MLLT10: variants seen among roughly 807,000 people sequenced by gnomAD.
The protein encoded by MLLT10 is MLLT10 histone lysine methyltransferase DOT1L cofactor, also known as protein AF-10.
In MLLT10, 30 loss-of-function variants were observed where a neutral mutation model predicts 129.1. The ratio of observed to expected loss-of-function variants is 0.23; its 90% CI spans 0.17 to 0.32. The LOEUF is 0.32. Ranked by LOEUF, MLLT10 falls within the 10% of genes least tolerant of loss-of-function variation. The pLI is 1.00. For synonymous variants in MLLT10, 490 were observed against 446.4 expected (o/e 1.10, Z -1.23); for missense variants, 1,119 against 1,268.3 (o/e 0.88, Z 1.79).
intron 8 of MLLT10, among the ~76,000 whole-genome samples, chr10:21,622,110 C>T (rs1357454068): frequency 6.7e-6 from 1 of 148,962 alleles, no homozygotes; most frequent in Non-Finnish European, 1.5e-5. Context: ...AATATGGCTT[C>T]GAATAAGGGA....
At chr10:21,688,542 T>G (rs1453773069) in intron 13 of MLLT10, 1 of 1,610,962 alleles carries the variant, frequency 6.2e-7, no homozygotes, top group Non-Finnish European at 8.5e-7. Context: ...TTCATAGGTA[T>G]GTACCAAACT....
chr10:21,733,408 C>T (rs370888417), intron 18 of MLLT10, 96 bp from the exon 19 acceptor site: 17 of 761,556 alleles, frequency 2.2e-5, no homozygotes, highest in East Asian at 1.2e-4. Context: ...GGTTTTGATA[C>T]GGGCTTCAGC....
chr10:21,735,216 A>G lies in MLLT10; in HGVS notation c.2936A>G (p.Asn979Ser). Residue 979 changes from asparagine (N) to serine (S), a missense_variant, in exon 21 of 23, where the codon AAT (asparagine) becomes AGT (serine). Physicochemically the swap from Asn to Ser is conservative, Grantham distance 46. Around this residue, in one of 5 missense-constraint regions of MLLT10, gnomAD observed 1,004 missense variants for 1,008.7 expected, o/e 1.00. Transcript: ENST00000307729. ...CAACAGCAGTTTCAGCAGTTGTTAA[A>G]TTCTCAACAGCTCACACCAGTAAGT... ...IHQQQFQQLL[N>S]SQQLTPEQHQ... 1.2e-6 allele frequency: 2 copies of G among 1,613,456 alleles called. No homozygotes were observed. The highest frequency in any genetic ancestry group is 2.7e-5 in the African/African-American group (2 of 75,030).
At chr10:21,571,226 C>A (rs984344093) in intron 3 of MLLT10, among the ~76,000 whole-genome samples, 1 of 152,216 alleles carries the variant, frequency 6.6e-6, no homozygotes, top group Non-Finnish European at 1.5e-5. Flanking sequence ...GGTGATTTCT[C>A]ATCTTGCCAT....
intron 20 of MLLT10, 135 bp from the exon 21 acceptor site, chr10:21,735,002 CTG>C (rs974993633): frequency 3.3e-5 from 21 of 630,454 alleles, no homozygotes; most frequent in African/African-American, 5.6e-5. Flanking sequence ...TTGTACATAA[CTG>C]TTTTCAGAGT....
chr10:21,666,335 G>T (rs1023329747), intron 9 of MLLT10, among the ~76,000 whole-genome samples: 8 of 151,724 alleles, frequency 5.3e-5, no homozygotes, highest in African/African-American at 9.7e-5. Context: ...ACAATTTATT[G>T]TTACTACTTT....
rs946698827 is a variant in MLLT10 at position 21,678,127 on chromosome 10, T to C, written c.1622-3205T>C. On this transcript the variant is annotated intron_variant, in intron 11 of 22. Coordinates refer to ENST00000307729, the MANE Select transcript of MLLT10 (RefSeq NM_001195626.3). ...TTTTCTTTTCTTTTCTTTTTTGAGCTGGAGTCTTGCTCTATTGACCAGGCT... is the reference window on the plus strand; with the variant it reads ...TTTTCTTTTCTTTTCTTTTTTGAGCCGGAGTCTTGCTCTATTGACCAGGCT... 3.9e-5 allele frequency among the ~76,000 whole-genome samples: 6 copies of C among 152,296 alleles called. No homozygotes were observed. In the East Asian group the frequency reaches 1.2e-3, roughly 29 times the overall value.
intron 8 of MLLT10, among the ~76,000 whole-genome samples, chr10:21,637,982 C>T (rs185243194): frequency 6.6e-5 from 10 of 152,198 alleles, no homozygotes; most frequent in South Asian, 6.2e-4. Flanking sequence ...AGTCCTTTAT[C>T]GAAGCTGTGG....
chr10:21,698,498 C>A (rs757674396), intron 13 of MLLT10, among the ~76,000 whole-genome samples: 18 of 152,152 alleles, frequency 1.2e-4, no homozygotes, highest in Non-Finnish European at 2.6e-4. Flanking sequence ...GATTCCATAT[C>A]TTTGCTTTTG....
intron 13 of MLLT10, among the ~76,000 whole-genome samples, chr10:21,687,000 T>C (rs1002445940): frequency 2.0e-5 from 3 of 152,002 alleles, no homozygotes; most frequent in Non-Finnish European, 4.4e-5. Context: ...AATAAATAAA[T>C]AAAGTACCAA....
intron 5 of MLLT10, among the ~76,000 whole-genome samples, chr10:21,607,364 A>T (rs1260923800): frequency 7.9e-6 from 1 of 125,832 alleles, no homozygotes; most frequent in Non-Finnish European, 1.6e-5. Flanking sequence ...CTTGTTGCCC[A>T]GGCTGGAGTG....
At chr10:21,567,703 G>T (rs986127208) in intron 3 of MLLT10, among the ~76,000 whole-genome samples, 3 of 151,992 alleles carry the variant, frequency 2.0e-5, no homozygotes, top group Non-Finnish European at 2.9e-5. Context: ...GGTGGGGCTA[G>T]GTTTTCTATG....
chr10:21,565,926 C>A (rs1284976349), intron 3 of MLLT10, among the ~76,000 whole-genome samples: 1 of 148,932 alleles, frequency 6.7e-6, no homozygotes, highest in East Asian at 2.0e-4. Flanking sequence ...TTTTTAAAAT[C>A]CAGTCTGTCA....
At chr10:21,603,011 C>T (rs960904381) in intron 5 of MLLT10, among the ~76,000 whole-genome samples, 2 of 151,802 alleles carry the variant, frequency 1.3e-5, no homozygotes, top group Admixed American at 6.6e-5. Context: ...GGATTACAGG[C>T]GTGAGCCACT....
At chr10:21,598,467 T>C (rs2043213670) in intron 5 of MLLT10, among the ~76,000 whole-genome samples, 1 of 152,202 alleles carries the variant, frequency 6.6e-6, no homozygotes, top group Non-Finnish European at 1.5e-5. Context: ...CCAAAGTGGG[T>C]GCTAGGTGTG....
intron 3 of MLLT10, among the ~76,000 whole-genome samples, chr10:21,540,872 A>G (rs946786910): frequency 1.6e-4 from 25 of 152,184 alleles, no homozygotes; most frequent in Non-Finnish European, 3.4e-4. Context: ...AGCGGTAGAA[A>G]TAATGGGCTG....
rs532430123 is a variant in MLLT10, at chr10:21,566,764, C to T, written c.241-19530C>T. 2.0e-5 allele frequency among the ~76,000 whole-genome samples: 3 copies of T among 150,650 alleles called. No homozygotes were observed. In the East Asian group the frequency reaches 5.9e-4, roughly 29 times the overall value. ...CATTTTTCTTTATTGTGTTTTGTAT[C>T]TTTTTTTTTAGTTCATTGATATGGT... On this transcript the variant is annotated intron_variant, in intron 3 of 22. Transcript: ENST00000307729.
rs5783779 is a variant in MLLT10, at chr10:21,549,122, CT to C, written c.240+10229del. Among the ~76,000 whole-genome samples, 1,179 of 130,384 alleles carry C rather than the reference CT, an allele frequency of 9.0e-3. 9 individuals carry two copies. Among genetic ancestry groups the C allele is most frequent in the African/African-American group, 0.025 (902 of 35,938 alleles). 85.5% of individuals were successfully genotyped at this position (130,384 alleles called of 152,430 possible). ...GTTTCTACAAGTCAGGAGCTTATTC[CT>C]TTTTTTTTTTTTTTTTTTAGACTTG... On this transcript the variant is annotated intron_variant, in intron 3 of 22. Transcript: ENST00000307729.
intron 14 of MLLT10, among the ~76,000 whole-genome samples, chr10:21,716,708 A>AC (rs1024472101): frequency 2.0e-5 from 3 of 152,146 alleles, no homozygotes; most frequent in African/African-American, 7.2e-5. Flanking sequence ...AAAAAAAAAA[A>AC]AAAGTAATTC....
Sources: allele counts gnomAD v4.1 joint callset (sites outside exome capture counted in the v4.1 genomes callset), GRCh38; gene constraint gnomAD v4.1.1; regional missense constraint gnomAD v4.1.1; transcripts MANE v1.5; gene names NCBI Gene and HGNC (gene_info 2026-07-23, HGNC 2026-07-21).